Variants in EIF4E observed in about 807,000 individuals in gnomAD.
The protein encoded by EIF4E is eukaryotic translation initiation factor 4E.
For synonymous variants in EIF4E, 71 were observed against 88.5 expected (o/e 0.80, Z 1.11); for missense variants, 113 against 265.6 (o/e 0.43, Z 3.99).
chr4:98,899,238 G>GA (rs1214740774), intron 2 of EIF4E, among the ~76,000 whole-genome samples: 1 of 150,822 alleles, frequency 6.6e-6, no homozygotes, highest in Non-Finnish European at 1.5e-5. Flanking sequence ...GAAAGTAGGG[G>GA]AAAAAAAAGA....
intron 2 of EIF4E, 192 bp from the exon 3 acceptor site, chr4:98,891,524 G>A: frequency 1.7e-6 from 1 of 599,972 alleles, no homozygotes; most frequent in Non-Finnish European, 2.9e-6. Flanking sequence ...AAAACATGAG[G>A]GGAAGCTAAG....
At position 98,879,566 on chromosome 4, in the gene EIF4E, A is replaced by G. The variant is rs2110169411; in HGVS notation, c.*1462T>C. On this transcript the variant is annotated 3_prime_UTR_variant, in exon 7 of 7. Coordinates refer to ENST00000450253, the MANE Select transcript of EIF4E (RefSeq NM_001968.5). ...GAATACCATACTACAACAATTTACC[A>G]CTATAAATATGTCTTAACACCTGTT... 1.3e-5 allele frequency: 2 copies of G among 152,268 alleles called. 1 individual carries two copies. The highest frequency in any genetic ancestry group is 4.1e-4 in the South Asian group (2 of 4,830). The allele number at this position is 152,268 out of a possible 1,614,324, so 9.4% of individuals were successfully genotyped here. A position where few individuals can be genotyped will look rare whatever the true frequency, so the allele number is the denominator to read the frequency against.
intron 3 of EIF4E, 104 bp downstream of exon 3, chr4:98,891,133 C>T (rs1228971126): frequency 1.6e-6 from 2 of 1,217,828 alleles, no homozygotes; most frequent in African/African-American, 3.0e-5. Flanking sequence ...GATGAACATT[C>T]ATTAACTGTT....
At chr4:98,909,384 T>C (rs775412976) in intron 1 of EIF4E, among the ~76,000 whole-genome samples, 14 of 152,244 alleles carry the variant, frequency 9.2e-5, no homozygotes, top group Non-Finnish European at 1.6e-4. Flanking sequence ...AGTTTTGTCA[T>C]TCATTTGACA....
At chr4:98,899,027 T>G (rs148754739) in intron 2 of EIF4E, among the ~76,000 whole-genome samples, 1 of 151,814 alleles carries the variant, frequency 6.6e-6, no homozygotes, top group Non-Finnish European at 1.5e-5. Context: ...AAAAGCAGTA[T>G]TTGCCTACAT....
At chr4:98,902,873 G>C (rs1424938618) in intron 1 of EIF4E, among the ~76,000 whole-genome samples, 2 of 152,026 alleles carry the variant, frequency 1.3e-5, no homozygotes, top group African/African-American at 4.8e-5. Flanking sequence ...ACAACATTAT[G>C]ATGACAAAAA....
In EIF4E at chr4:98,924,217, T is replaced by C. The variant is rs180706835; in HGVS notation, c.18+4878A>G. Among the ~76,000 whole-genome samples, 11 of 152,138 alleles carry C rather than the reference T, an allele frequency of 7.2e-5. No individual in the cohort carries two copies. The East Asian group carries it at 2.1e-3, about 29-fold the overall frequency. ...CTCAGCCTCCTGAGTACCTTGGGATTACAAGCACGCATCACCACGCCCAGC... is the reference window on the plus strand; with the variant it reads ...CTCAGCCTCCTGAGTACCTTGGGATCACAAGCACGCATCACCACGCCCAGC... On this transcript the variant is annotated intron_variant, in intron 1 of 6. Coordinates refer to ENST00000450253, the MANE Select transcript of EIF4E (RefSeq NM_001968.5).
At chr4:98,911,894 A>C (rs570574444) in intron 1 of EIF4E, among the ~76,000 whole-genome samples, 147 of 151,228 alleles carry the variant, frequency 9.7e-4, no homozygotes, top group Middle Eastern at 6.8e-3. Context: ...AAGGCTAATG[A>C]TAAAATTTAA....
At chr4:98,923,746 G>A (rs946314191) in intron 1 of EIF4E, among the ~76,000 whole-genome samples, 2 of 152,256 alleles carry the variant, frequency 1.3e-5, no homozygotes, top group African/African-American at 4.8e-5. Flanking sequence ...GCTAAGGATT[G>A]ATAATTAAAA....
At chr4:98,922,824 CTTCATTTTCCTGTTTT>C (rs1342188045) in intron 1 of EIF4E, among the ~76,000 whole-genome samples, 1 of 150,140 alleles carries the variant, frequency 6.7e-6, no homozygotes, top group African/African-American at 2.4e-5. Context: ...TGTGACTAAA[CTTCATTTTCCTGTTTT>C]TTCTTTTTTC....
rs755555646 is a variant in EIF4E at position 98,887,225 on chromosome 4, C to T, written c.286-33G>A. ...GTTAGAAGACAACAGTATTACACAA[C>T]ATTGTTACCTTGACTTTGAGAGATA... On this transcript the variant is annotated intron_variant, in intron 4 of 6. Coordinates refer to ENST00000450253, the MANE Select transcript of EIF4E (RefSeq NM_001968.5). The surrounding 1 kb of genome is among the most constrained non-coding windows in gnomAD (Gnocchi z 4.0). The T allele has an allele frequency of 6.3e-7, 1 of 1,593,016 alleles. No individual in the cohort carries two copies. The highest frequency in any genetic ancestry group is 1.3e-5 in the African/African-American group (1 of 74,642).
chr4:98,891,186 A>C, intron 3 of EIF4E, 51 bp downstream of exon 3: 1 of 1,591,264 alleles, frequency 6.3e-7, no homozygotes, highest in Non-Finnish European at 8.6e-7. Context: ...AAAATAAAAA[A>C]ACTACACAAC....
rs1724130362 is a variant in EIF4E at position 98,891,269 on chromosome 4, G to A, written c.189C>T (p.Ile63=). The A allele has an allele frequency of 6.2e-7, 1 of 1,614,090 alleles. No individual in the cohort carries two copies. The highest frequency in any genetic ancestry group is 8.5e-7 in the Non-Finnish European group (1 of 1,180,010). Residue 63 remains isoleucine (I), a synonymous_variant, in exon 3 of 7, where the codon ATC becomes ATT. Transcript: ENST00000450253. ...AGTCTTCAACAGTATCAAACTTGGA[G>A]ATCAGCCGCAGGTTTGCTTGCCAAG... is the stretch of plus-strand genomic sequence containing the variant. ...SKTWQANLRL[I]SKFDTVEDFW...
At chr4:98,914,243 C>G (rs1177784374) in intron 1 of EIF4E, among the ~76,000 whole-genome samples, 1 of 150,910 alleles carries the variant, frequency 6.6e-6, no homozygotes, top group Non-Finnish European at 1.5e-5. Flanking sequence ...GTAATCCCAG[C>G]TACTTGGGAG....
intron 1 of EIF4E, among the ~76,000 whole-genome samples, chr4:98,925,206 G>A (rs936592232): frequency 2.6e-5 from 4 of 152,104 alleles, no homozygotes; most frequent in Non-Finnish European, 4.4e-5. Context: ...TGAAATTAGC[G>A]TGGTTTCAAA....
chr4:98,891,046 G>T, intron 3 of EIF4E, 191 bp downstream of exon 3: 1 of 638,920 alleles, frequency 1.6e-6, no homozygotes, highest in South Asian at 2.0e-5. Flanking sequence ...GGGGCTGGGG[G>T]ATGACAAGAT....
intron 1 of EIF4E, among the ~76,000 whole-genome samples, chr4:98,912,218 C>T (rs1725181351): frequency 6.6e-6 from 1 of 150,384 alleles, no homozygotes; most frequent in African/African-American, 2.5e-5. Flanking sequence ...CGCCACTGCA[C>T]TCCAGCCTAG....
At chr4:98,912,330 A>G (rs1287403389) in intron 1 of EIF4E, among the ~76,000 whole-genome samples, 1 of 151,950 alleles carries the variant, frequency 6.6e-6, no homozygotes, top group Non-Finnish European at 1.5e-5. Flanking sequence ...TAATCCCAAC[A>G]CTTTGGGAGG....
At chr4:98,922,427 G>C (rs551185590) in intron 1 of EIF4E, among the ~76,000 whole-genome samples, 1 of 151,902 alleles carries the variant, frequency 6.6e-6, no homozygotes, top group Non-Finnish European at 1.5e-5. Flanking sequence ...GTGGTGGCAC[G>C]TGCCTGTAGT....
Sources: gnomAD v4.1 joint callset for allele counts (sites outside exome capture counted in the v4.1 genomes callset) on GRCh38, gnomAD v4.1.1 for gene constraint, Gnocchi (gnomAD v3.1) non-coding constraint, MANE v1.5 for transcripts, NCBI Gene and HGNC (gene_info 2026-07-23, HGNC 2026-07-21) for gene names.